The following NFIC variants were observed in gnomAD, a reference collection of about 807,000 sequenced individuals.
NFIC encodes nuclear factor 1 C-type.
In NFIC, 12 loss-of-function variants were observed where a neutral mutation model predicts 54.4. That is an observed-to-expected ratio of 0.22 (90% CI 0.14 to 0.36). NFIC has a LOEUF of 0.36. NFIC is among the 10% of genes least tolerant of loss of function. The pLI, the probability that NFIC is intolerant of heterozygous loss-of-function variation, is 1.00. For synonymous variants in NFIC, 322 were observed against 319.2 expected (o/e 1.01, Z -0.09); for missense variants, 575 against 718.2 (o/e 0.80, Z 2.28).
intron 6 of NFIC, among the ~76,000 whole-genome samples, chr19:3,437,623 G>A (rs1242271324): frequency 1.5e-5 from 2 of 133,544 alleles, no homozygotes; most frequent in Non-Finnish European, 1.5e-5. Context: ...GCAACAGAAC[G>A]AGACTATGTC....
intron 6 of NFIC, among the ~76,000 whole-genome samples, chr19:3,436,736 A>G (rs1191270092): frequency 6.6e-6 from 1 of 151,984 alleles, no homozygotes; most frequent in Non-Finnish European, 1.5e-5. Flanking sequence ...CGGCCTCCCA[A>G]AGTGCTGGGA....
At chr19:3,421,484 T>TG (rs988923417) in intron 2 of NFIC, among the ~76,000 whole-genome samples, 7 of 152,198 alleles carry the variant, frequency 4.6e-5, no homozygotes, top group African/African-American at 1.7e-4. Flanking sequence ...CTGCAGGGCT[T>TG]GGGGCCGAGC....
intron 2 of NFIC, among the ~76,000 whole-genome samples, chr19:3,398,450 G>C (rs575929705): frequency 1.3e-5 from 2 of 152,218 alleles, no homozygotes; most frequent in South Asian, 4.1e-4. Context: ...CTCTGCTCAG[G>C]GTTGTGCAGC....
Position 3,462,957 on chromosome 19 carries a change from C to A in NFIC, c.*188C>A. 4 of 1,428,324 alleles carry A rather than the reference C, an allele frequency of 2.8e-6. No individual in the cohort carries two copies. The highest frequency in any genetic ancestry group is 2.9e-5 in the Admixed American group (1 of 34,054). 88.5% of individuals were successfully genotyped at this position (1,428,324 alleles called of 1,614,324 possible). ...TCAGGAGGAAAAGAAAAAACAAAGGCAGAAGAAGAAGAAGAAGAAATAAAA... is the reference window on the plus strand; with the variant it reads ...TCAGGAGGAAAAGAAAAAACAAAGGAAGAAGAAGAAGAAGAAGAAATAAAA... On this transcript the variant is annotated 3_prime_UTR_variant, in exon 11 of 11. Coordinates refer to ENST00000443272, the MANE Select transcript of NFIC (RefSeq NM_001245002.2).
chr19:3,368,284 T>G (rs575643740), intron 1 of NFIC, among the ~76,000 whole-genome samples: 1 of 152,110 alleles, frequency 6.6e-6, no homozygotes, highest in Admixed American at 6.6e-5. Context: ...GAAGGCTGCC[T>G]GTGCACCCTG....
intron 2 of NFIC, among the ~76,000 whole-genome samples, chr19:3,404,998 T>C (rs919661602): frequency 1.3e-5 from 2 of 152,062 alleles, no homozygotes; most frequent in Non-Finnish European, 2.9e-5. Flanking sequence ...TGGTGGCCGC[T>C]GACCTGACCC....
chr19:3,427,316 C>G (rs1020347590), intron 3 of NFIC, among the ~76,000 whole-genome samples: 1 of 152,098 alleles, frequency 6.6e-6, no homozygotes, highest in Non-Finnish European at 1.5e-5. Flanking sequence ...AGTGACTGCA[C>G]GGGTGTCTGC....
At chr19:3,428,732 T>C (rs546864167) in intron 3 of NFIC, among the ~76,000 whole-genome samples, 9 of 151,990 alleles carry the variant, frequency 5.9e-5, no homozygotes, top group Non-Finnish European at 7.4e-5. Flanking sequence ...GGGCGTCTGG[T>C]AGAGGAAATC....
At chr19:3,367,935 C>T (rs1459376562) in intron 1 of NFIC, among the ~76,000 whole-genome samples, 3 of 152,164 alleles carry the variant, frequency 2.0e-5, no homozygotes, top group East Asian at 1.9e-4. Context: ...TCTTTCTCAC[C>T]GGCCCCCTGC....
At position 3,462,957 on chromosome 19, in the gene NFIC, C is replaced by CAGA. The variant is rs926546201; in HGVS notation, c.*205_*207dup. 309 of 1,428,330 alleles carry CAGA rather than the reference C, an allele frequency of 2.2e-4. 1 individual carries two copies. The South Asian group carries it at 2.4e-3, about 11-fold the overall frequency. 88.5% of individuals were successfully genotyped at this position (1,428,330 alleles called of 1,614,324 possible). A position where few individuals can be genotyped will look rare whatever the true frequency, so the allele number is the denominator to read the frequency against. On this transcript the variant is annotated 3_prime_UTR_variant, in exon 11 of 11. Coordinates refer to ENST00000443272, the MANE Select transcript of NFIC (RefSeq NM_001245002.2). ...TCAGGAGGAAAAGAAAAAACAAAGG[C>CAGA]AGAAGAAGAAGAAGAAGAAATAAAA...
chr19:3,423,059 G>A (rs757317190), intron 2 of NFIC, among the ~76,000 whole-genome samples: 6 of 152,080 alleles, frequency 3.9e-5, no homozygotes, highest in East Asian at 3.9e-4. Flanking sequence ...TTAGCCAGGC[G>A]TGATGACGCG....
rs1016315543 is a variant in NFIC, at chr19:3,463,421, G to A, written c.*652G>A. ...GGGGCAGGCGAGTGGTGTCGCGGGG[G>A]TGCGTGGCGCTTGCGAGCCCTGGCC... On this transcript the variant is annotated 3_prime_UTR_variant, in exon 11 of 11. Coordinates refer to ENST00000443272, the MANE Select transcript of NFIC (RefSeq NM_001245002.2). 3.0e-5 allele frequency: 30 copies of A among 985,512 alleles called. No homozygotes were observed. Among genetic ancestry groups the A allele is most frequent in the Non-Finnish European group, 3.6e-5 (30 of 830,128 alleles). The allele number at this position is 985,512 out of a possible 1,614,324, so 61.0% of individuals were successfully genotyped here.
chr19:3,369,630 C>T lies in NFIC; in HGVS notation c.30+2964C>T, dbSNP rs933187632. 3.3e-5 allele frequency among the ~76,000 whole-genome samples: 5 copies of T among 152,094 alleles called. No homozygotes were observed. The highest frequency in any genetic ancestry group is 7.4e-5 in the Non-Finnish European group (5 of 68,008). On this transcript the variant is annotated intron_variant, in intron 1 of 10. Coordinates refer to ENST00000443272, the MANE Select transcript of NFIC (RefSeq NM_001245002.2). This position sits in a 1 kb window ranked among gnomAD's most constrained non-coding sequence, Gnocchi z 4.3. ...TCTGGGAGCCCCGGGCCGGGCTCAG[C>T]GGTGACTCAAGCGCTTTTTCACTTT...
At chr19:3,435,831 CTTTCTTTT>C (rs925412086) in intron 6 of NFIC, among the ~76,000 whole-genome samples, 2 of 146,528 alleles carry the variant, frequency 1.4e-5, no homozygotes, top group Non-Finnish European at 3.1e-5. Context: ...TTCTTTCTTT[CTTTCTTTT>C]TTTTGAGATG....
At chr19:3,431,789 C>T (rs190940092) in intron 3 of NFIC, among the ~76,000 whole-genome samples, 6 of 152,340 alleles carry the variant, frequency 3.9e-5, no homozygotes, top group African/African-American at 1.4e-4. Flanking sequence ...CAGGCATGAG[C>T]CACCACGCCC....
chr19:3,415,568 G>A (rs2081840701), intron 2 of NFIC, among the ~76,000 whole-genome samples: 1 of 152,120 alleles, frequency 6.6e-6, no homozygotes, highest in South Asian at 2.1e-4. Context: ...CACACAGCAA[G>A]AGGGGCAGCA....
intron 7 of NFIC, among the ~76,000 whole-genome samples, chr19:3,451,107 C>G (rs1309482623): frequency 6.6e-6 from 1 of 152,178 alleles, no homozygotes; most frequent in African/African-American, 2.4e-5. Context: ...AAGGCAGGCA[C>G]CACAATAGAA....
intron 1 of NFIC, among the ~76,000 whole-genome samples, chr19:3,380,220 G>A (rs550264790): frequency 2.7e-4 from 39 of 146,498 alleles, no homozygotes; most frequent in East Asian, 1.0e-3. Context: ...TAGCCAGGAT[G>A]GTCTCAATCT....
chr19:3,388,090 C>T (rs2081325700), intron 2 of NFIC, among the ~76,000 whole-genome samples: 1 of 152,172 alleles, frequency 6.6e-6, no homozygotes, highest in Non-Finnish European at 1.5e-5. Context: ...CCGCCATGGG[C>T]CAGCCTCCTG....
Sources: allele counts gnomAD v4.1 joint callset (sites outside exome capture counted in the v4.1 genomes callset), GRCh38; gene constraint gnomAD v4.1.1; non-coding constraint Gnocchi (gnomAD v3.1); transcripts MANE v1.5; gene names NCBI Gene and HGNC (gene_info 2026-07-23, HGNC 2026-07-21).